Variants in SNX30 observed in about 807,000 individuals in gnomAD.
SNX30 encodes the protein sorting nexin family member 30.
In SNX30, 24 loss-of-function variants were observed where a neutral mutation model predicts 46.4. That is an observed-to-expected ratio of 0.52 (90% confidence interval 0.37 to 0.73). The LOEUF is 0.73. Ranked by LOEUF, SNX30 falls within the 30% of genes least tolerant of loss-of-function variation. The probability of loss-of-function intolerance (pLI) is 0.00; values close to 1 mark genes in which losing one functional copy is unlikely to be tolerated. For synonymous variants in SNX30, 189 were observed against 211.5 expected (o/e 0.89, Z 0.92); for missense variants, 533 against 555.7 (o/e 0.96, Z 0.41).
rs1411769238 is a variant in SNX30 at position 112,868,659 on chromosome 9, C to T, written c.1255-125C>T. ...TTGTAATAGTTATGGATGACACATGCAGGCATCATTAGACAAAGGTAACCC... is the reference window on the plus strand; with the variant it reads ...TTGTAATAGTTATGGATGACACATGTAGGCATCATTAGACAAAGGTAACCC... On this transcript the variant is annotated intron_variant, in intron 8 of 8. Coordinates refer to ENST00000374232, the MANE Select transcript of SNX30 (RefSeq NM_001012994.2). The T allele has an allele frequency of 4.4e-6, 4 of 911,278 alleles. No individual in the cohort carries two copies. In the Admixed American group the frequency reaches 5.5e-5, roughly 13 times the overall value. 56.4% of individuals were successfully genotyped at this position (911,278 alleles called of 1,614,324 possible). A position where few individuals can be genotyped will look rare whatever the true frequency, so the allele number is the denominator to read the frequency against.
chr9:112,807,549 C>T (rs1346660154), intron 2 of SNX30, among the ~76,000 whole-genome samples: 1 of 152,108 alleles, frequency 6.6e-6, no homozygotes, highest in African/African-American at 2.4e-5. Context: ...GAATTATATC[C>T]ATTTATTTAT....
In SNX30 at chr9:112,766,197, A is replaced by G. The variant is rs1369948452; in HGVS notation, c.156+15040A>G. Among the ~76,000 whole-genome samples the G allele has an allele frequency of 1.1e-4, 16 of 152,294 alleles. 1 individual carries two copies. The East Asian group carries it at 3.1e-3, about 29-fold the overall frequency. On this transcript the variant is annotated intron_variant, in intron 1 of 8. Coordinates refer to ENST00000374232, the MANE Select transcript of SNX30 (RefSeq NM_001012994.2). ...AGAACTTATTCATCCTGTCATGGAA[A>G]ATTCACACTTCTTGACCAGTATCTC...
chr9:112,860,535 C>T (rs1319478016), intron 7 of SNX30, among the ~76,000 whole-genome samples: 1 of 152,186 alleles, frequency 6.6e-6, no homozygotes, highest in African/African-American at 2.4e-5. Flanking sequence ...TTCTCATGGG[C>T]AGCCAGTTGC....
chr9:112,757,789 G>A (rs1478058882), intron 1 of SNX30, among the ~76,000 whole-genome samples: 1 of 152,060 alleles, frequency 6.6e-6, no homozygotes, highest in African/African-American at 2.4e-5. Flanking sequence ...GGTTGCTCCT[G>A]CCTCTATATT....
chr9:112,761,456 C>T (rs957696631), intron 1 of SNX30, among the ~76,000 whole-genome samples: 9 of 152,176 alleles, frequency 5.9e-5, no homozygotes, highest in African/African-American at 2.2e-4. Flanking sequence ...AGCCACTGCT[C>T]CCGGCCCCAA....
chr9:112,822,955 G>A (rs1840527822), intron 3 of SNX30, among the ~76,000 whole-genome samples: 2 of 151,464 alleles, frequency 1.3e-5, no homozygotes, highest in Admixed American at 6.6e-5. Context: ...AAAGAGAAAG[G>A]CCAAATCCCC....
At chr9:112,750,071 T>TG (rs1379715016), upstream of SNX30, among the ~76,000 whole-genome samples, 1 of 152,218 alleles carries the variant, frequency 6.6e-6, no homozygotes, top group African/African-American at 2.4e-5. Flanking sequence ...AAGAATAACT[T>TG]GAACCTCATG....
At chr9:112,759,147 T>G (rs941007016) in intron 1 of SNX30, among the ~76,000 whole-genome samples, 17 of 152,264 alleles carry the variant, frequency 1.1e-4, no homozygotes, top group African/African-American at 3.8e-4. Context: ...ATTATAGGCC[T>G]GAGTCACTGT....
At chr9:112,832,987 G>A (rs2131449022) in intron 4 of SNX30, among the ~76,000 whole-genome samples, 1 of 151,530 alleles carries the variant, frequency 6.6e-6, no homozygotes, top group South Asian at 2.1e-4. Flanking sequence ...ATTCAGTATC[G>A]CTTGCTGAAC....
chr9:112,755,198 G>C (rs2131343860), intron 1 of SNX30, among the ~76,000 whole-genome samples: 2 of 152,324 alleles, frequency 1.3e-5, no homozygotes, highest in East Asian at 3.9e-4. Context: ...AACTGGCCGC[G>C]AGGAAGAGGA....
At chr9:112,855,829 T>C (rs1841117592) in intron 7 of SNX30, among the ~76,000 whole-genome samples, 1 of 152,162 alleles carries the variant, frequency 6.6e-6, no homozygotes. Context: ...ATGCACTTAC[T>C]TAGCAGGGGC....
intron 1 of SNX30, among the ~76,000 whole-genome samples, chr9:112,777,295 T>G (rs1839761608): frequency 6.6e-6 from 1 of 152,212 alleles, no homozygotes; most frequent in African/African-American, 2.4e-5. Context: ...AATCAAACAC[T>G]TGAGCTCAGC....
At chr9:112,813,059 A>G (rs1183011996) in intron 2 of SNX30, among the ~76,000 whole-genome samples, 1 of 152,132 alleles carries the variant, frequency 6.6e-6, no homozygotes, top group Non-Finnish European at 1.5e-5. Context: ...AGGCAGGAGA[A>G]TCACCTGAAC....
chr9:112,764,686 G>T lies in SNX30; in HGVS notation c.156+13529G>T, dbSNP rs150123366. On this transcript the variant is annotated intron_variant, in intron 1 of 8. Transcript: ENST00000374232. ...CAAGAAGAAGGCTGTTGCAGTGGGA[G>T]GTTGGGGGAGGCAGTTTCAGTAGGG... 4.3e-3 allele frequency among the ~76,000 whole-genome samples: 662 copies of T among 152,298 alleles called. 4 individuals carry two copies. Among genetic ancestry groups the T allele is most frequent in the African/African-American group, 0.014 (600 of 41,570 alleles).
intron 1 of SNX30, among the ~76,000 whole-genome samples, chr9:112,785,516 T>C (rs1053964451): frequency 1.3e-5 from 2 of 152,166 alleles, no homozygotes; most frequent in Non-Finnish European, 2.9e-5. Context: ...CCTGAGTAGC[T>C]GGGATTACAG....
At chr9:112,787,009 G>C (rs922230267) in intron 1 of SNX30, among the ~76,000 whole-genome samples, 1 of 152,054 alleles carries the variant, frequency 6.6e-6, no homozygotes, top group Admixed American at 6.6e-5. Flanking sequence ...ACCCACATTC[G>C]GTCTGAGTCA....
intron 6 of SNX30, among the ~76,000 whole-genome samples, chr9:112,845,012 TATAC>T: frequency 6.6e-6 from 1 of 152,256 alleles, no homozygotes; most frequent in Admixed American, 6.5e-5. Flanking sequence ...CAAAAGAGAT[TATAC>T]AGAGTGGCTA....
chr9:112,824,297 A>G (rs1840548324), intron 3 of SNX30, among the ~76,000 whole-genome samples: 1 of 150,524 alleles, frequency 6.6e-6, no homozygotes, highest in Non-Finnish European at 1.5e-5. Context: ...TAAACCCTGA[A>G]ATATTTAATG....
intron 1 of SNX30, among the ~76,000 whole-genome samples, chr9:112,783,990 T>C (rs139911701): frequency 3.2e-4 from 48 of 152,352 alleles, no homozygotes; most frequent in African/African-American, 1.2e-3. Flanking sequence ...GCTCTGTAGA[T>C]GGCACACAGG....
Sources: allele counts gnomAD v4.1 joint callset (sites outside exome capture counted in the v4.1 genomes callset), GRCh38; gene constraint gnomAD v4.1.1; transcripts MANE v1.5; gene names NCBI Gene and HGNC (gene_info 2026-07-23, HGNC 2026-07-21).